ZFYVE9: variants seen among roughly 807,000 people sequenced by gnomAD.
The protein encoded by ZFYVE9 is zinc finger FYVE-type containing 9.
Under a neutral mutation model 126.7 loss-of-function variants are expected in ZFYVE9, and 43 were observed. The observed-to-expected ratio is 0.34, with a 90% CI of 0.27 to 0.44. The LOEUF is 0.44. Ranked by LOEUF, ZFYVE9 falls within the 20% of genes least tolerant of loss-of-function variation. ZFYVE9 has a pLI of 1.00. For synonymous variants in ZFYVE9, 521 were observed against 597.4 expected, an observed-to-expected ratio of 0.87 and a Z score of 1.87; for missense variants, 1,476 against 1,697.0, an observed-to-expected ratio of 0.87 and a Z score of 2.29.
At chr1:52,157,017 A>G (rs550781346) in intron 1 of ZFYVE9, among the ~76,000 whole-genome samples, 1 of 152,150 alleles carries the variant, frequency 6.6e-6, no homozygotes, top group East Asian at 1.9e-4. Flanking sequence ...TATTTTTAGT[A>G]GAGACGGGGT....
chr1:52,238,326 T>G lies in ZFYVE9; in HGVS notation c.909T>G (p.Asp303Glu). 6.2e-7 allele frequency: 1 copy of G among 1,613,634 alleles called. No individual in the cohort carries two copies. Among genetic ancestry groups the G allele is most frequent in the Non-Finnish European group, 8.5e-7 (1 of 1,179,944 alleles). ...GCAAAATCAGCTCTCCTAGGACAGA[T>G]CTAGGGAGTCCAAATTCCTTTTCCC... ...LTGKISSPRT[D>E]LGSPNSFSHM... Residue 303 changes from aspartate to glutamate, a missense_variant, in exon 4 of 19, where the codon GAT (aspartate) becomes GAG (glutamate). Physicochemically the swap from Asp to Glu is conservative, Grantham distance 45 (BLOSUM62 2). Around this residue, in one of 2 missense-constraint regions of ZFYVE9, gnomAD observed 807 missense variants for 794.6 expected, o/e 1.02. Coordinates refer to ENST00000287727, the MANE Select transcript of ZFYVE9 (RefSeq NM_004799.4).
chr1:52,263,635 A>G (rs1241722904), intron 4 of ZFYVE9, 138 bp from the exon 5 acceptor site: 1 of 465,064 alleles, frequency 2.2e-6, no homozygotes, highest in Non-Finnish European at 3.8e-6. Context: ...AACTTCCTGA[A>G]CTACATTTTC....
chr1:52,154,365 G>T (rs1644382884), intron 1 of ZFYVE9, among the ~76,000 whole-genome samples: 1 of 152,170 alleles, frequency 6.6e-6, no homozygotes, highest in Non-Finnish European at 1.5e-5. Flanking sequence ...TCATAGGTTG[G>T]ATGTTCAGAG....
intron 4 of ZFYVE9, among the ~76,000 whole-genome samples, chr1:52,251,594 A>G (rs78930067): frequency 0.013 from 1,854 of 148,046 alleles, 32 homozygotes; most frequent in African/African-American, 0.046. Flanking sequence ...GTTCAATTCA[A>G]TTTGCTATTA....
At chr1:52,182,971 T>A (rs1326772696) in intron 1 of ZFYVE9, among the ~76,000 whole-genome samples, 22 of 152,116 alleles carry the variant, frequency 1.4e-4, no homozygotes. Context: ...AAATAAGGTG[T>A]CTATTAGGAT....
intron 1 of ZFYVE9, among the ~76,000 whole-genome samples, chr1:52,161,150 C>T (rs139428901): frequency 1.2e-3 from 187 of 152,206 alleles, no homozygotes; most frequent in African/African-American, 4.2e-3. Context: ...AGTTCCAATA[C>T]CAAAATTTCT....
intron 6 of ZFYVE9, 85 bp downstream of exon 6, chr1:52,266,916 T>A: frequency 7.8e-7 from 1 of 1,274,432 alleles, no homozygotes; most frequent in Non-Finnish European, 1.1e-6. Context: ...GCACAAGTCT[T>A]AAAAAACACT....
At position 52,238,233 on chromosome 1, in the gene ZFYVE9, C is replaced by T; in HGVS notation, c.816C>T (p.Ser272=). ...TAACGGTTGATTCAGTAATCTCATC[C>T]CAGGGAACAGATGGATGTCCTGCTG... ...TSLTVDSVIS[S]QGTDGCPAVK... The change falls in exon 4 of 19, where the codon TCC becomes TCT. Residue 272 remains serine (S), a synonymous_variant. Coordinates refer to ENST00000287727, the MANE Select transcript of ZFYVE9 (RefSeq NM_004799.4). 6.2e-7 allele frequency: 1 copy of T among 1,613,968 alleles called. No homozygotes were observed.
At chr1:52,345,289 C>T (rs1304019975) in intron 18 of ZFYVE9, among the ~76,000 whole-genome samples, 3 of 152,080 alleles carry the variant, frequency 2.0e-5, no homozygotes, top group African/African-American at 7.2e-5. Context: ...CCTTTAGCTC[C>T]GAGTCACTTG....
intron 18 of ZFYVE9, chr1:52,345,740 A>AT (rs1341735011): frequency 5.1e-6 from 1 of 194,950 alleles, no homozygotes; most frequent in African/African-American, 2.3e-5. Context: ...TGTATTTCTC[A>AT]TTTTAATTTT....
At chr1:52,178,836 C>T (rs1021971092) in intron 1 of ZFYVE9, among the ~76,000 whole-genome samples, 15 of 152,056 alleles carry the variant, frequency 9.9e-5, no homozygotes, top group Non-Finnish European at 1.9e-4. Context: ...GACAGAGTCT[C>T]GCTCTGTTAC....
chr1:52,146,026 T>C (rs1035407623), intron 1 of ZFYVE9, among the ~76,000 whole-genome samples: 2 of 40,576 alleles, frequency 4.9e-5, no homozygotes, highest in African/African-American at 1.3e-4. Flanking sequence ...CTCAAAAATA[T>C]CCACACACAC....
chr1:52,148,812 T>G (rs1370658307), intron 1 of ZFYVE9, among the ~76,000 whole-genome samples: 1 of 151,780 alleles, frequency 6.6e-6, no homozygotes, highest in African/African-American at 2.4e-5. Flanking sequence ...TGGATAAGTT[T>G]TGTAATTTTA....
At chr1:52,325,203 C>T (rs1024626412) in intron 13 of ZFYVE9, among the ~76,000 whole-genome samples, 2 of 151,902 alleles carry the variant, frequency 1.3e-5, no homozygotes, top group Non-Finnish European at 1.5e-5. Flanking sequence ...GGTGTGAACC[C>T]GGGAGGCAGA....
chr1:52,240,530 A>G (rs1047344803), intron 4 of ZFYVE9, among the ~76,000 whole-genome samples: 11 of 152,274 alleles, frequency 7.2e-5, no homozygotes, highest in African/African-American at 2.6e-4. Context: ...TTCAACTTCA[A>G]GGAACAGAGT....
At chr1:52,263,750 T>TGGGGGGGGGGGGGGG in intron 4 of ZFYVE9, 23 bp from the exon 5 acceptor site, 2 of 1,120,886 alleles carry the variant, frequency 1.8e-6, no homozygotes, top group Non-Finnish European at 2.5e-6. Context: ...TTTTGTGTGT[T>TGGGGGGGGGGGGGGG]CTTCCCCCCC....
At chr1:52,287,715 A>G (rs1275058818) in intron 10 of ZFYVE9, among the ~76,000 whole-genome samples, 3 of 150,544 alleles carry the variant, frequency 2.0e-5, no homozygotes, top group African/African-American at 7.4e-5. Flanking sequence ...AAAAAAAAAA[A>G]TTAACTAGGC....
At chr1:52,255,799 G>A (rs1645501330) in intron 4 of ZFYVE9, among the ~76,000 whole-genome samples, 1 of 151,860 alleles carries the variant, frequency 6.6e-6, no homozygotes, top group African/African-American at 2.4e-5. Context: ...AGGTCGCAGT[G>A]AGCCGAGATT....
At chr1:52,233,828 T>C (rs1168852867) in intron 3 of ZFYVE9, among the ~76,000 whole-genome samples, 2 of 152,228 alleles carry the variant, frequency 1.3e-5, no homozygotes, top group Admixed American at 1.3e-4. Flanking sequence ...AGTCTTGCTC[T>C]GTCTCCCAAG....
Sources: allele counts gnomAD v4.1 joint callset (sites outside exome capture counted in the v4.1 genomes callset), GRCh38; gene constraint gnomAD v4.1.1; regional missense constraint gnomAD v4.1.1; transcripts MANE v1.5; gene names NCBI Gene and HGNC (gene_info 2026-07-23, HGNC 2026-07-21).